ANK3: variants seen among roughly 807,000 people sequenced by gnomAD.
ANK3 encodes ankyrin-3.
A neutral mutation model predicts 370.9 loss-of-function variants in ANK3; 57 were observed. The observed-to-expected ratio is 0.15, with a 90% CI of 0.12 to 0.19. ANK3 has a LOEUF of 0.19. ANK3 is among the 10% of genes least tolerant of loss of function. The probability of loss-of-function intolerance (pLI) is 1.00; values close to 1 mark genes in which losing one functional copy is unlikely to be tolerated. For missense variants in ANK3, 4,439 were observed against 5,302.1 expected (o/e 0.84, Z 5.06); for synonymous variants, 1,929 against 1,946.3 (o/e 0.99, Z 0.23).
Position 60,688,638 on chromosome 10 carries a change from G to A in ANK3, c.57+44625C>T, listed in dbSNP as rs1589029346. 2.6e-5 allele frequency among the ~76,000 whole-genome samples: 4 copies of A among 152,294 alleles called. 1 individual carries two copies. Among genetic ancestry groups the A allele is most frequent in the Admixed American group, 2.6e-4 (4 of 15,296 alleles). On this transcript the variant is annotated intron_variant, in intron 1 of 43. Coordinates refer to the ANK3 transcript ENST00000373827. ...AAGAGGGATTAAGTCACTTGCCCAA[G>A]GCAAGGCAGCTATTAAGATATAAAA...
At chr10:60,630,358 G>T (rs1254963379) in intron 1 of ANK3, among the ~76,000 whole-genome samples, 1 of 152,174 alleles carries the variant, frequency 6.6e-6, no homozygotes, top group African/African-American at 2.4e-5. Context: ...TTATTTGGAT[G>T]TACAATTATT....
chr10:60,662,134 A>G (rs893100429), intron 1 of ANK3, among the ~76,000 whole-genome samples: 12 of 152,222 alleles, frequency 7.9e-5, no homozygotes, highest in African/African-American at 2.7e-4. Context: ...ATCTATGACT[A>G]CTATTGGTCG....
intron 1 of ANK3, among the ~76,000 whole-genome samples, chr10:60,378,806 C>A (rs1459726): frequency 0.38 from 57,931 of 151,582 alleles, 11,645 homozygotes; most frequent in Middle Eastern, 0.49. Flanking sequence ...TATTTTATGA[C>A]TAAGTTCTCA....
chr10:60,192,456 G>A (rs193217088), intron 16 of ANK3, among the ~76,000 whole-genome samples: 61 of 150,812 alleles, frequency 4.0e-4, no homozygotes, highest in Admixed American at 1.2e-3. Context: ...ATTTATGTGC[G>A]TGTATACATA....
chr10:60,596,970 T>C (rs2077996054), intron 2 of ANK3, among the ~76,000 whole-genome samples: 1 of 152,172 alleles, frequency 6.6e-6, no homozygotes, highest in East Asian at 1.9e-4. Context: ...ATAGAAAGAC[T>C]ATTTACATAA....
chr10:60,191,857 A>G (rs1394786161), intron 16 of ANK3, among the ~76,000 whole-genome samples: 2 of 152,148 alleles, frequency 1.3e-5, no homozygotes, highest in Admixed American at 1.3e-4. Flanking sequence ...GTGTCTACCA[A>G]TGGATGATTA....
intron 27 of ANK3, among the ~76,000 whole-genome samples, chr10:60,107,952 T>C (rs2092362770): frequency 6.6e-6 from 1 of 152,220 alleles, no homozygotes; most frequent in Admixed American, 6.5e-5. Flanking sequence ...AGCAGAATGC[T>C]TGCAGTGAAT....
intron 1 of ANK3, among the ~76,000 whole-genome samples, chr10:60,669,646 A>G (rs1422965093): frequency 2.0e-5 from 3 of 152,072 alleles, no homozygotes; most frequent in Non-Finnish European, 4.4e-5. Flanking sequence ...CTACATCCTG[A>G]AGCCCTGCCT....
At chr10:60,293,021 C>T (rs562812029) in intron 1 of ANK3, among the ~76,000 whole-genome samples, 24 of 152,112 alleles carry the variant, frequency 1.6e-4, no homozygotes, top group South Asian at 6.2e-4. Context: ...GGGTCCTAAA[C>T]TTTCTATCAG....
At chr10:60,711,444 T>C (rs1044343460) in intron 1 of ANK3, among the ~76,000 whole-genome samples, 8 of 152,000 alleles carry the variant, frequency 5.3e-5, no homozygotes, top group African/African-American at 1.7e-4. Context: ...ATGCCTTTAA[T>C]AGGCTCAGCT....
rs2063217914 is a variant in ANK3, at chr10:60,395,621, TCTC to T, written c.97-115985_97-115983del. Among the ~76,000 whole-genome samples, 2 of 26,050 alleles carry T rather than the reference TCTC, an allele frequency of 7.7e-5. 1 individual carries two copies. Among genetic ancestry groups the T allele is most frequent in the East Asian group, 2.1e-3 (2 of 960 alleles). The allele number at this position is 26,050 out of a possible 152,430, so 17.1% of individuals were successfully genotyped here. A position where few individuals can be genotyped will look rare whatever the true frequency, so the allele number is the denominator to read the frequency against. On this transcript the variant is annotated intron_variant, in intron 2 of 43. Transcript: ENST00000373827. ...CTTTCTTTCTTTCTCTCTTTCGTTC[TCTC>T]TCTCTCTCTCTCTCTCTCTCTCTCT...
intron 8 of ANK3, among the ~76,000 whole-genome samples, chr10:60,225,478 T>C (rs1008795275): frequency 6.6e-6 from 1 of 152,002 alleles, no homozygotes; most frequent in Non-Finnish European, 1.5e-5. Context: ...GTACATAGAG[T>C]AAATAGATAG....
intron 1 of ANK3, among the ~76,000 whole-genome samples, chr10:60,694,271 G>T (rs1016267037): frequency 6.6e-6 from 1 of 152,216 alleles, no homozygotes; most frequent in African/African-American, 2.4e-5. Context: ...ATCTACATCT[G>T]ATTGGTGTAC....
chr10:60,051,714 G>C (rs1589272708), intron 42 of ANK3: 1 of 194,408 alleles, frequency 5.1e-6, no homozygotes, highest in Non-Finnish European at 7.2e-6. Context: ...ATGTATATTT[G>C]TGAGAGTCTT....
At position 60,075,181 on chromosome 10, in the gene ANK3, C is replaced by A; in HGVS notation, c.5700G>T (p.Glu1900Asp). ...STPSSLSSSQ[E>D]ILKDVAEMKE... is the part of the protein sequence containing the mutation. ...TCATTTCAGCTACATCTTTTAGTAT[C>A]TCCTGACTGGAAGATAAAGAAGATG... Residue 1900 changes from glutamate (E) to aspartate (D), a missense_variant, in exon 37 of 44, where the codon GAG becomes GAT. Physicochemically the swap from Glu to Asp is conservative, Grantham distance 45. Around this residue, in one of 13 missense-constraint regions of ANK3, gnomAD observed 679 missense variants for 791.0 expected, o/e 0.86. Transcript: ENST00000280772. 1 of 1,614,112 alleles carries A rather than the reference C, an allele frequency of 6.2e-7. No homozygotes were observed. The highest frequency in any genetic ancestry group is 8.5e-7 in the Non-Finnish European group (1 of 1,180,010).
rs1564772874 is a variant in ANK3 at position 60,071,205 on chromosome 10, T to C, written c.9676A>G (p.Thr3226Ala). 1.2e-6 allele frequency: 2 copies of C among 1,614,190 alleles called. No individual in the cohort carries two copies. Among genetic ancestry groups the C allele is most frequent in the Non-Finnish European group, 1.7e-6 (2 of 1,180,026 alleles). ...TSLKQTTVEETAVEREMPNDV... is the reference protein window; with the variant it reads ...TSLKQTTVEEAAVEREMPNDV... ...TTAGGCATTTCACGCTCAACTGCTG[T>C]TTCCTCCACTGTAGTCTGCTTAAGG... The change falls in exon 37 of 44, where the codon ACA becomes GCA. Residue 3226 changes from threonine (T) to alanine (A), a missense_variant. Thr to Ala is a moderately conservative substitution (Grantham distance 58). Around this residue, in one of 13 missense-constraint regions of ANK3, gnomAD observed 1,601 missense variants for 1,731.7 expected, o/e 0.92. Coordinates refer to ENST00000280772, the MANE Select transcript of ANK3 (RefSeq NM_020987.5).
intron 1 of ANK3, among the ~76,000 whole-genome samples, chr10:60,652,750 CT>C (rs2078807826): frequency 6.7e-6 from 1 of 149,624 alleles, no homozygotes; most frequent in African/African-American, 2.5e-5. Context: ...AGGTTCCAGT[CT>C]GATAACTTTG....
chr10:60,726,869 T>G (rs2079948349), intron 1 of ANK3, among the ~76,000 whole-genome samples: 1 of 152,162 alleles, frequency 6.6e-6, no homozygotes, highest in African/African-American at 2.4e-5. Flanking sequence ...TACAAGCTTG[T>G]AAAGTCTTAT....
chr10:60,283,503 A>G (rs2098197062), intron 1 of ANK3, among the ~76,000 whole-genome samples: 1 of 152,210 alleles, frequency 6.6e-6, no homozygotes, highest in South Asian at 2.1e-4. Flanking sequence ...CTAAGGAATT[A>G]GTTGCACAAA....
Sources: allele counts gnomAD v4.1 joint callset (sites outside exome capture counted in the v4.1 genomes callset), GRCh38; gene constraint gnomAD v4.1.1; regional missense constraint gnomAD v4.1.1; transcripts MANE v1.5; gene names NCBI Gene and HGNC (gene_info 2026-07-23, HGNC 2026-07-21).